Variants in BRWD1 observed in about 807,000 individuals in gnomAD.
BRWD1 encodes the protein bromodomain and WD repeat-containing protein 1.
Under a neutral mutation model 251.2 loss-of-function variants are expected in BRWD1, and 82 were observed. The observed-to-expected ratio is 0.33, with a 90% CI of 0.27 to 0.39. BRWD1 has a LOEUF of 0.39. BRWD1 is among the 10% of genes least tolerant of loss of function. The probability of loss-of-function intolerance (pLI) is 1.00; values close to 1 mark genes in which losing one functional copy is unlikely to be tolerated. For missense variants in BRWD1, 2,233 were observed against 2,711.6 expected (o/e 0.82, Z 3.92); for synonymous variants, 918 against 902.8 (o/e 1.02, Z -0.30).
At chr21:39,320,263 C>G (rs912194535) in intron 1 of BRWD1, among the ~76,000 whole-genome samples, 2 of 152,170 alleles carry the variant, frequency 1.3e-5, no homozygotes, top group Non-Finnish European at 2.9e-5. Flanking sequence ...TATAGAGACC[C>G]TCTCTTTGCA....
At chr21:39,309,824 CAA>C (rs10709480) in intron 4 of BRWD1, among the ~76,000 whole-genome samples, 120 of 75,218 alleles carry the variant, frequency 1.6e-3, no homozygotes, top group African/African-American at 5.8e-3. Flanking sequence ...GACTCCGTCT[CAA>C]AAAAAAAAAA....
chr21:39,208,360 CA>C (rs2032504698), intron 36 of BRWD1, among the ~76,000 whole-genome samples: 1 of 152,176 alleles, frequency 6.6e-6, no homozygotes, highest in Non-Finnish European at 1.5e-5. Flanking sequence ...ACTGATCCAG[CA>C]AGCAGTGTGG....
chr21:39,311,854 C>G (rs2036494695), intron 4 of BRWD1, among the ~76,000 whole-genome samples: 1 of 152,220 alleles, frequency 6.6e-6, no homozygotes, highest in African/African-American at 2.4e-5. Context: ...TAATTCAAAA[C>G]CAGTAATCTT....
At chr21:39,279,054 T>C (rs2146698544) in intron 9 of BRWD1, among the ~76,000 whole-genome samples, 1 of 152,262 alleles carries the variant, frequency 6.6e-6, no homozygotes, top group Admixed American at 6.5e-5. Context: ...TATAATACCT[T>C]ATTGTATATC....
rs1053238447 is a variant in BRWD1, at chr21:39,187,991, A to G, written c.*8268T>C. 130 of 985,378 alleles carry G rather than the reference A, an allele frequency of 1.3e-4. No homozygotes were observed. Among genetic ancestry groups the G allele is most frequent in the Non-Finnish European group, 1.5e-4 (128 of 829,912 alleles). 61.0% of individuals were successfully genotyped at this position (985,378 alleles called of 1,614,324 possible). On this transcript the variant is annotated 3_prime_UTR_variant, in exon 41 of 41. Coordinates refer to ENST00000342449, the MANE Select transcript of BRWD1 (RefSeq NM_033656.4). Reference sequence around the variant, plus strand: ...AGCACTTTGGAGAGTTAACTACTTCATGCAGACTAAGGCAGTTTTTAGAGG... The same window carrying G: ...AGCACTTTGGAGAGTTAACTACTTCGTGCAGACTAAGGCAGTTTTTAGAGG...
Position 39,304,584 on chromosome 21 carries a change from A to C in BRWD1, c.199-6002T>G, listed in dbSNP as rs2036224774. On this transcript the variant is annotated intron_variant, in intron 4 of 40. Coordinates refer to ENST00000342449, the MANE Select transcript of BRWD1 (RefSeq NM_033656.4). Reference sequence around the variant, plus strand: ...TGCCATGATCATGCCACTGCACTCCACCCTGGGCAACAAAGTGAGAACTTG... The same window carrying C: ...TGCCATGATCATGCCACTGCACTCCCCCCTGGGCAACAAAGTGAGAACTTG... Among the ~76,000 whole-genome samples the C allele has an allele frequency of 2.7e-5, 4 of 150,834 alleles. 1 individual carries two copies. In the South Asian group the frequency reaches 8.4e-4, roughly 32 times the overall value.
chr21:39,250,862 T>C lies in BRWD1; in HGVS notation c.2283A>G (p.Lys761=). 1 of 1,599,464 alleles carries C rather than the reference T, an allele frequency of 6.3e-7. No individual in the cohort carries two copies. Among genetic ancestry groups the C allele is most frequent in the South Asian group, 1.1e-5 (1 of 88,114 alleles). The change falls in exon 20 of 41, where the codon AAA becomes AAG. Residue 761 remains lysine, a synonymous_variant. Transcript: ENST00000342449. ...TATAAAGATTTCTTTCCTCTTCACC[T>C]TTCTCTAATCGGAAGTCTTCCAGCT... ...FRKLEDFRLE[K]GEEERNLYII...
Position 39,194,493 on chromosome 21 carries a change from A to C in BRWD1, c.*1766T>G. On this transcript the variant is annotated 3_prime_UTR_variant, in exon 41 of 41. Coordinates refer to ENST00000342449, the MANE Select transcript of BRWD1 (RefSeq NM_033656.4). ...TATCTACTTAACACAAGTTCTGAGA[A>C]GAAAAGCATCATAGTTCTGAAATGG... 1.4e-6 allele frequency: 2 copies of C among 1,411,498 alleles called. No individual in the cohort carries two copies. The highest frequency in any genetic ancestry group is 1.8e-6 in the Non-Finnish European group (2 of 1,087,420). The allele number at this position is 1,411,498 out of a possible 1,614,324, so 87.4% of individuals were successfully genotyped here. A position where few individuals can be genotyped will look rare whatever the true frequency, so the allele number is the denominator to read the frequency against.
chr21:39,320,667 C>CTTT (rs35218849), intron 1 of BRWD1, among the ~76,000 whole-genome samples: 6 of 99,158 alleles, frequency 6.1e-5, no homozygotes, highest in East Asian at 2.7e-4. Context: ...AGAGTCATAT[C>CTTT]TTTTTTTTTT....
intron 19 of BRWD1, among the ~76,000 whole-genome samples, chr21:39,255,360 C>T (rs759648467): frequency 3.3e-5 from 5 of 151,420 alleles, no homozygotes; most frequent in Non-Finnish European, 5.9e-5. Context: ...TGCAGTGAGC[C>T]GAGATCATGC....
intron 22 of BRWD1, among the ~76,000 whole-genome samples, chr21:39,237,228 A>G (rs1252470645): frequency 2.0e-5 from 3 of 152,204 alleles, no homozygotes; most frequent in African/African-American, 7.2e-5. Context: ...CCATCAATGA[A>G]CACACTGAGA....
Position 39,199,188 on chromosome 21 carries a change from G to A in BRWD1, c.5228C>T (p.Pro1743Leu), listed in dbSNP as rs542494380. The A allele has an allele frequency of 1.2e-6, 2 of 1,614,008 alleles. No homozygotes were observed. Among genetic ancestry groups the A allele is most frequent in the African/African-American group, 1.3e-5 (1 of 74,892 alleles). Reference protein sequence around the residue: ...WHANGYKSHTPAPSKTKFLKI... With the variant: ...WHANGYKSHTLAPSKTKFLKI... ...AAGAAATTTTGTCTTTGAAGGTGCT[G>A]GAGTATGGGACTTGTAACCATTAGC... Residue 1743 changes from proline (P) to leucine (L), a missense_variant, in exon 40 of 41, where the codon CCA becomes CTA. Pro to Leu is a moderately conservative substitution (Grantham distance 98, BLOSUM62 -3). Transcript: ENST00000342449.
At chr21:39,304,180 T>A (rs933576871) in intron 4 of BRWD1, among the ~76,000 whole-genome samples, 65 of 138,066 alleles carry the variant, frequency 4.7e-4, no homozygotes, top group African/African-American at 1.7e-3. Context: ...ACAGAATAAG[T>A]AGAATACTTT....
In BRWD1 at chr21:39,259,706, G is replaced by A. The variant is rs548556717; in HGVS notation, c.1886-1034C>T. ...AAAAAAATTAGCCGGGCCTGGTGGC[G>A]CACGCCTGTAGTCACAGCTACTCAG... On this transcript the variant is annotated intron_variant, in intron 17 of 40. Transcript: ENST00000342449. Among the ~76,000 whole-genome samples the A allele has an allele frequency of 1.7e-4, 26 of 152,188 alleles. No individual in the cohort carries two copies. The East Asian group carries it at 4.1e-3, about 24-fold the overall frequency.
At chr21:39,223,609 A>G (rs1327528340) in intron 29 of BRWD1, among the ~76,000 whole-genome samples, 1 of 152,172 alleles carries the variant, frequency 6.6e-6, no homozygotes, top group African/African-American at 2.4e-5. Context: ...AAATTGTTGG[A>G]GGGGATGAGC....
chr21:39,184,704 G>A (rs1350876983), downstream of BRWD1: 3 of 152,326 alleles, frequency 2.0e-5, no homozygotes, highest in Admixed American at 6.5e-5. Flanking sequence ...AATAAAGTGA[G>A]TTTGGAAGCA....
chr21:39,248,464 G>A (rs987198585), intron 20 of BRWD1, among the ~76,000 whole-genome samples: 2 of 151,246 alleles, frequency 1.3e-5, no homozygotes, highest in African/African-American at 4.9e-5. Context: ...ACAAAAACAA[G>A]AACAAACAAA....
chr21:39,191,347 T>G lies in BRWD1; in HGVS notation c.*4912A>C. 1 of 985,392 alleles carries G rather than the reference T, an allele frequency of 1.0e-6. No individual in the cohort carries two copies. The highest frequency in any genetic ancestry group is 1.2e-6 in the Non-Finnish European group (1 of 829,912). The allele number at this position is 985,392 out of a possible 1,614,324, so 61.0% of individuals were successfully genotyped here. A position where few individuals can be genotyped will look rare whatever the true frequency, so the allele number is the denominator to read the frequency against. Reference sequence around the variant, plus strand: ...AGTGGAAAAGAGGTTGGGGAACCACTTGGGACAAGTCTGGAATTAACCAGC... The same window carrying G: ...AGTGGAAAAGAGGTTGGGGAACCACGTGGGACAAGTCTGGAATTAACCAGC... On this transcript the variant is annotated 3_prime_UTR_variant, in exon 41 of 41. Transcript: ENST00000342449.
rs367551925 is a variant in BRWD1, at chr21:39,298,494, C to T, written c.287G>A (p.Ser96Asn). 1.9e-6 allele frequency: 3 copies of T among 1,610,884 alleles called. No homozygotes were observed. Among genetic ancestry groups the T allele is most frequent in the Non-Finnish European group, 2.5e-6 (3 of 1,179,116 alleles). ...AAGTAAAGAAGTGACTCTTGAAATA[C>T]TGGGTGGAATTTCTTTATCCAACAT... ...GPMLDKEIPP[S>N]ISRVTSLLGA... is the part of the protein sequence containing the mutation. The change falls in exon 5 of 41, where the codon AGT becomes AAT. Residue 96 changes from serine (S) to asparagine (N), a missense_variant. By Grantham distance (46) the Ser-to-Asn change is conservative. This residue lies in a region of BRWD1 where 185 missense variants were observed against 260.6 expected (regional missense o/e 0.71). Coordinates refer to ENST00000342449, the MANE Select transcript of BRWD1 (RefSeq NM_033656.4).
Sources: gnomAD v4.1 joint callset for allele counts (sites outside exome capture counted in the v4.1 genomes callset) on GRCh38, gnomAD v4.1.1 for gene constraint, gnomAD v4.1.1 regional missense constraint, MANE v1.5 for transcripts, NCBI Gene and HGNC (gene_info 2026-07-23, HGNC 2026-07-21) for gene names.